The following TDRD3 variants were observed in gnomAD, a reference collection of about 807,000 sequenced individuals.
TDRD3 encodes tudor domain containing 3, also known as tudor domain-containing protein 3.
Under a neutral mutation model 86.7 loss-of-function variants are expected in TDRD3, and 45 were observed. That is an observed-to-expected ratio of 0.52 (90% CI 0.41 to 0.67). TDRD3 has a LOEUF of 0.67. TDRD3 is among the 30% of genes least tolerant of loss of function. The pLI is 0.00. For missense variants in TDRD3, 814 were observed against 889.0 expected (o/e 0.92, Z 1.07); for synonymous variants, 298 against 301.7 (o/e 0.99, Z 0.13).
intron 6 of TDRD3, 152 bp downstream of exon 6, chr13:60,483,998 T>C (rs1956373828): frequency 3.9e-6 from 3 of 759,610 alleles, no homozygotes; most frequent in South Asian, 2.8e-5. Context: ...TTTTGAGGTT[T>C]TTTTCCTTCA....
intron 2 of TDRD3, among the ~76,000 whole-genome samples, chr13:60,440,004 C>CT (rs908467746): frequency 1.3e-5 from 2 of 151,972 alleles, no homozygotes; most frequent in Non-Finnish European, 2.9e-5. Context: ...ATTAACATCC[C>CT]TTTTTTTCAC....
At chr13:60,411,659 T>A (rs1250593534) in intron 1 of TDRD3, among the ~76,000 whole-genome samples, 1 of 152,094 alleles carries the variant, frequency 6.6e-6, no homozygotes, top group Non-Finnish European at 1.5e-5. Context: ...CTTTGTGCTG[T>A]CATTTAAGGA....
At chr13:60,509,558 A>G (rs1957013109) in intron 8 of TDRD3, 1 of 593,778 alleles carries the variant, frequency 1.7e-6, no homozygotes, top group Non-Finnish European at 3.0e-6. Flanking sequence ...TTGTGAGGTC[A>G]GAGAATACTC....
chr13:60,562,741 C>T (rs1958364461), intron 12 of TDRD3, among the ~76,000 whole-genome samples: 1 of 152,022 alleles, frequency 6.6e-6, no homozygotes, highest in South Asian at 2.1e-4. Flanking sequence ...TTAAAAGAAA[C>T]AAATGATTCA....
In TDRD3 at chr13:60,440,680, C is replaced by CA. The variant is rs1157505330; in HGVS notation, c.126+918dup. ...TGGGCAACAGAGTGAGACTCTGTCT[C>CA]AAAAAAAAAAGTAAGTAAACAAATG... On this transcript the variant is annotated intron_variant, in intron 2 of 13. Transcript: ENST00000377881. 2.9e-3 allele frequency among the ~76,000 whole-genome samples: 428 copies of CA among 146,956 alleles called. 1 individual carries two copies. The highest frequency in any genetic ancestry group is 9.4e-3 in the African/African-American group (379 of 40,190).
intron 3 of TDRD3, among the ~76,000 whole-genome samples, chr13:60,452,918 GT>G (rs980148101): frequency 5.3e-5 from 8 of 149,864 alleles, no homozygotes; most frequent in African/African-American, 9.8e-5. Flanking sequence ...GATTACTCTT[GT>G]CAGTTATCAG....
intron 2 of TDRD3, among the ~76,000 whole-genome samples, chr13:60,443,135 T>G (rs1367280575): frequency 6.6e-6 from 1 of 152,014 alleles, no homozygotes; most frequent in South Asian, 2.1e-4. Flanking sequence ...TGTTTTATAC[T>G]CACTAAAATA....
chr13:60,548,780 T>C (rs113327719), intron 12 of TDRD3, among the ~76,000 whole-genome samples: 1 of 114,492 alleles, frequency 8.7e-6, no homozygotes, highest in Admixed American at 8.3e-5. Flanking sequence ...TGGGTACTCT[T>C]ATACATTGCT....
At chr13:60,507,256 C>A (rs1002268929) in intron 8 of TDRD3, among the ~76,000 whole-genome samples, 1 of 152,264 alleles carries the variant, frequency 6.6e-6, no homozygotes, top group South Asian at 2.1e-4. Context: ...TAGTGGGAGA[C>A]TTTAACACCC....
At chr13:60,479,951 A>G (rs540136098) in intron 5 of TDRD3, among the ~76,000 whole-genome samples, 3 of 152,240 alleles carry the variant, frequency 2.0e-5, no homozygotes, top group African/African-American at 7.2e-5. Flanking sequence ...TTCTTTATCC[A>G]ACTTGCCATC....
chr13:60,456,840 C>T (rs1274883924), intron 3 of TDRD3, among the ~76,000 whole-genome samples: 1 of 151,996 alleles, frequency 6.6e-6, no homozygotes, highest in Non-Finnish European at 1.5e-5. Context: ...CGGCTACAAG[C>T]ACACACCACC....
intron 12 of TDRD3, among the ~76,000 whole-genome samples, chr13:60,553,608 C>A (rs1290168828): frequency 1.3e-5 from 2 of 151,068 alleles, no homozygotes; most frequent in Non-Finnish European, 2.9e-5. Flanking sequence ...CTCGAGAGGT[C>A]TCTGGAAACT....
chr13:60,477,469 C>G (rs1199086526), intron 5 of TDRD3, among the ~76,000 whole-genome samples: 1 of 152,080 alleles, frequency 6.6e-6, no homozygotes, highest in East Asian at 1.9e-4. Context: ...CCTTGTTTGG[C>G]CTCCCAAAGT....
chr13:60,396,983 A>G (rs1045627312), upstream of TDRD3: 23 of 164,088 alleles, frequency 1.4e-4, no homozygotes, highest in Admixed American at 6.4e-5. Flanking sequence ...CTTTTGCTCT[A>G]CGAAGAACCT....
intron 13 of TDRD3, 111 bp downstream of exon 13, chr13:60,567,761 T>A (rs1299492102): frequency 7.1e-7 from 1 of 1,403,240 alleles, no homozygotes; most frequent in Admixed American, 2.2e-5. Flanking sequence ...TTCACTCTTG[T>A]TGCCCAGGCT....
chr13:60,460,438 A>G lies in TDRD3; in HGVS notation c.251A>G (p.Asp84Gly), dbSNP rs928739650. Residue 84 changes from aspartate to glycine, a missense_variant, in exon 4 of 14, where the codon GAT becomes GGT. Physicochemically the swap from Asp to Gly is moderately conservative, Grantham distance 94. Transcript: ENST00000377881. The part of the protein sequence containing the change: ...QKIRNVAAPK[D>G]NEESQAAPRM... ...ATTCGCAATGTTGCTGCACCAAAGG[A>G]TAATGAAGAATCTCAGGCTGCACCA... The G allele has an allele frequency of 2.5e-6, 4 of 1,604,900 alleles. No individual in the cohort carries two copies. Among genetic ancestry groups the G allele is most frequent in the Non-Finnish European group, 1.7e-6 (2 of 1,177,592 alleles).
chr13:60,415,535 C>T (rs1250255719), intron 1 of TDRD3, among the ~76,000 whole-genome samples: 6 of 152,156 alleles, frequency 3.9e-5, no homozygotes, highest in Non-Finnish European at 8.8e-5. Context: ...AAACTAGGCC[C>T]TCAATGTTAG....
In TDRD3 at chr13:60,542,202, A is replaced by G. The variant is rs555436335; in HGVS notation, c.2118+6969A>G. On this transcript the variant is annotated intron_variant, in intron 12 of 13. Transcript: ENST00000377881. ...ATTTACTTTACTTATAGATACTTTT[A>G]AAGCTATAATTTTAGACTGTCCTGA... 2.1e-3 allele frequency among the ~76,000 whole-genome samples: 322 copies of G among 152,272 alleles called. 3 individuals are homozygous for G. The highest frequency in any genetic ancestry group is 7.3e-3 in the African/African-American group (304 of 41,556).
At position 60,436,111 on chromosome 13, in the gene TDRD3, T is replaced by G. The variant is rs532057529; in HGVS notation, c.42-3577T>G. On this transcript the variant is annotated intron_variant, in intron 1 of 13. Coordinates refer to ENST00000377881, the MANE Select transcript of TDRD3 (RefSeq NM_001146070.2). ...TTTGCCCACTTTTGGATGGGTTGTT[T>G]TTTTTTTTTTCTTGCTGATTTGTTT... is the stretch of plus-strand genomic sequence containing the variant. Among the ~76,000 whole-genome samples the G allele has an allele frequency of 2.1e-5, 3 of 145,618 alleles. No homozygotes were observed. The South Asian group carries it at 6.8e-4, about 33-fold the overall frequency.
Sources: gnomAD v4.1 joint callset for allele counts (sites outside exome capture counted in the v4.1 genomes callset) on GRCh38, gnomAD v4.1.1 for gene constraint, MANE v1.5 for transcripts, NCBI Gene and HGNC (gene_info 2026-07-23, HGNC 2026-07-21) for gene names.